The following EFCAB6 variants were observed in gnomAD, a reference collection of about 807,000 sequenced individuals.
The protein encoded by EFCAB6 is EF-hand calcium binding domain 6, also known as EF-hand calcium-binding domain-containing protein 6.
In EFCAB6, 156 loss-of-function variants were observed where a neutral mutation model predicts 169.8. That is an observed-to-expected ratio of 0.92 (90% CI 0.81 to 1.05). EFCAB6 has a LOEUF of 1.05. Ranked by LOEUF, EFCAB6 falls within the 50% of genes least tolerant of loss-of-function variation. EFCAB6 has a pLI of 0.00. For missense variants in EFCAB6, 1,800 were observed against 1,829.1 expected (o/e 0.98, Z 0.29); for synonymous variants, 698 against 676.4 (o/e 1.03, Z -0.50).
At chr22:43,688,920 G>C (rs547031245) in intron 10 of EFCAB6, among the ~76,000 whole-genome samples, 1 of 152,298 alleles carries the variant, frequency 6.6e-6, no homozygotes, top group Admixed American at 6.5e-5. Flanking sequence ...CAGCGAACTG[G>C]TTAGACAAAC....
At chr22:43,579,688 A>C (rs1473906541) in intron 25 of EFCAB6, among the ~76,000 whole-genome samples, 1 of 150,720 alleles carries the variant, frequency 6.6e-6, no homozygotes, top group African/African-American at 2.5e-5. Flanking sequence ...GCTTACATAC[A>C]AGCATCATTC....
At chr22:43,539,103 G>C (rs565796253) in intron 28 of EFCAB6, among the ~76,000 whole-genome samples, 1 of 152,196 alleles carries the variant, frequency 6.6e-6, no homozygotes, top group East Asian at 1.9e-4. Context: ...CCCAGTTAAA[G>C]ACCCATGTGA....
intron 19 of EFCAB6, among the ~76,000 whole-genome samples, chr22:43,631,545 C>T (rs2054943729): frequency 6.6e-6 from 1 of 152,040 alleles, no homozygotes; most frequent in African/African-American, 2.4e-5. Context: ...GTGGGGGCCA[C>T]CTCCTCCAGG....
chr22:43,542,373 C>T (rs886652094), intron 27 of EFCAB6, among the ~76,000 whole-genome samples: 4 of 152,076 alleles, frequency 2.6e-5, no homozygotes, highest in Non-Finnish European at 4.4e-5. Flanking sequence ...TGAGGTCAGG[C>T]GTTTGAGACC....
chr22:43,618,109 A>C (rs564736482), intron 20 of EFCAB6, among the ~76,000 whole-genome samples: 1 of 146,684 alleles, frequency 6.8e-6, no homozygotes, highest in Non-Finnish European at 1.5e-5. Context: ...CTCAAAAAAA[A>C]AATCTCAAAA....
chr22:43,590,295 C>A, intron 23 of EFCAB6, 66 bp from the exon 24 acceptor site: 1 of 1,556,676 alleles, frequency 6.4e-7, no homozygotes, highest in South Asian at 1.2e-5. Context: ...TTAAAGCAAA[C>A]ACTGCATGAT....
At chr22:43,621,645 A>G (rs2054122831) in intron 20 of EFCAB6, among the ~76,000 whole-genome samples, 1 of 152,160 alleles carries the variant, frequency 6.6e-6, no homozygotes, top group African/African-American at 2.4e-5. Flanking sequence ...TAAGAAATAT[A>G]AAAGATAAAC....
intron 7 of EFCAB6, among the ~76,000 whole-genome samples, chr22:43,732,382 A>T (rs915178016): frequency 6.6e-6 from 1 of 152,102 alleles, no homozygotes; most frequent in Non-Finnish European, 1.5e-5. Flanking sequence ...GTTTCTCTTG[A>T]AGCATTTCGT....
intron 26 of EFCAB6, among the ~76,000 whole-genome samples, chr22:43,565,479 C>A (rs1473274796): frequency 1.3e-5 from 2 of 152,142 alleles, no homozygotes; most frequent in Non-Finnish European, 2.9e-5. Context: ...GCACAGATGG[C>A]TTTTTAGGCA....
intron 24 of EFCAB6, 29 bp from the exon 25 acceptor site, chr22:43,580,688 T>C (rs747522974): frequency 6.2e-7 from 1 of 1,608,436 alleles, no homozygotes; most frequent in Non-Finnish European, 8.5e-7. Flanking sequence ...AAAGAACATA[T>C]TCATTTTAAA....
rs558296241 is a variant in EFCAB6, at chr22:43,744,137, G to A, written c.508-8144C>T. ...ATGGATGGGTTATGGATGGATGGATGGGTAGATGGATGGATGGATGATGGA... is the reference window on the plus strand; with the variant it reads ...ATGGATGGGTTATGGATGGATGGATAGGTAGATGGATGGATGGATGATGGA... On this transcript the variant is annotated intron_variant, in intron 6 of 31. Transcript: ENST00000262726. This position sits in a 1 kb window ranked among gnomAD's most constrained non-coding sequence, Gnocchi z 4.3. 2.0e-5 allele frequency among the ~76,000 whole-genome samples: 3 copies of A among 152,152 alleles called. No individual in the cohort carries two copies. Among genetic ancestry groups the A allele is most frequent in the African/African-American group, 7.2e-5 (3 of 41,480 alleles).
chr22:43,607,815 T>C (rs1181576050), intron 22 of EFCAB6, among the ~76,000 whole-genome samples: 3 of 152,176 alleles, frequency 2.0e-5, no homozygotes, highest in Non-Finnish European at 4.4e-5. Context: ...AGGAGGTAAT[T>C]TGAAGTTGGG....
At chr22:43,674,785 G>A (rs1277108705) in intron 13 of EFCAB6, among the ~76,000 whole-genome samples, 1 of 152,126 alleles carries the variant, frequency 6.6e-6, no homozygotes, top group African/African-American at 2.4e-5. Flanking sequence ...GGTTTTACAG[G>A]TAAAGAAATG....
At chr22:43,586,340 A>ATGTTTTTTTTTT (rs2051063155) in intron 24 of EFCAB6, among the ~76,000 whole-genome samples, 1 of 72,906 alleles carries the variant, frequency 1.4e-5, no homozygotes. Flanking sequence ...GCAACAACTG[A>ATGTTTTTTTTTT]TTTTTTTTTT....
At chr22:43,566,659 C>T (rs923108743) in intron 26 of EFCAB6, among the ~76,000 whole-genome samples, 3 of 152,194 alleles carry the variant, frequency 2.0e-5, no homozygotes, top group Non-Finnish European at 2.9e-5. Context: ...CACCCAAGTC[C>T]AACCACCTAC....
chr22:43,615,837 C>A lies in EFCAB6; in HGVS notation c.2551G>T (p.Asp851Tyr). The A allele has an allele frequency of 6.2e-7, 1 of 1,613,110 alleles. No homozygotes were observed. The highest frequency in any genetic ancestry group is 1.1e-5 in the South Asian group (1 of 90,944). The change falls in exon 21 of 32, where the codon GAC becomes TAC. Residue 851 changes from aspartate to tyrosine, a missense_variant. Physicochemically the swap from Asp to Tyr is radical, Grantham distance 160 (BLOSUM62 -3). Coordinates refer to ENST00000262726, the MANE Select transcript of EFCAB6 (RefSeq NM_022785.4). ...AATCATTTTCTTACCTTAGACAAGTCTGACCATCTGTTTTTTGCTTTGGTA... is the reference window on the plus strand; with the variant it reads ...AATCATTTTCTTACCTTAGACAAGTATGACCATCTGTTTTTTGCTTTGGTA... ...LVTKAKNRWSDLSKNFLETDN... is the reference protein window; with the variant it reads ...LVTKAKNRWSYLSKNFLETDN...
chr22:43,644,324 C>T (rs557925133), intron 17 of EFCAB6, among the ~76,000 whole-genome samples: 1 of 152,178 alleles, frequency 6.6e-6, no homozygotes, highest in African/African-American at 2.4e-5. Context: ...GAGGGGTTCA[C>T]GATGGGGAAC....
At chr22:43,627,051 T>G (rs958977546) in intron 19 of EFCAB6, among the ~76,000 whole-genome samples, 1 of 152,188 alleles carries the variant, frequency 6.6e-6, no homozygotes, top group Non-Finnish European at 1.5e-5. Flanking sequence ...TTTATATCAC[T>G]TTCATAATGT....
intron 22 of EFCAB6, among the ~76,000 whole-genome samples, chr22:43,605,753 T>C (rs2052874899): frequency 1.3e-5 from 2 of 152,108 alleles, no homozygotes; most frequent in Admixed American, 1.3e-4. Flanking sequence ...GTGCTTAAAA[T>C]TGGTGAAGAT....
Sources: gnomAD v4.1 joint callset for allele counts (sites outside exome capture counted in the v4.1 genomes callset) on GRCh38, gnomAD v4.1.1 for gene constraint, Gnocchi (gnomAD v3.1) non-coding constraint, MANE v1.5 for transcripts, NCBI Gene and HGNC (gene_info 2026-07-23, HGNC 2026-07-21) for gene names.